Variants in RAB40B observed in about 807,000 individuals in gnomAD.
RAB40B encodes ras-related protein Rab-40B.
In RAB40B, 21 loss-of-function variants were observed where a neutral mutation model predicts 24.0. That is an observed-to-expected ratio of 0.88 (90% CI 0.62 to 1.26). The LOEUF is 1.26. RAB40B is among the 50% of genes most tolerant of loss of function. The probability of loss-of-function intolerance (pLI) is 0.00; values close to 1 mark genes in which losing one functional copy is unlikely to be tolerated. For missense variants in RAB40B, 348 were observed against 390.5 expected, an observed-to-expected ratio of 0.89 and a Z score of 0.92; for synonymous variants, 167 against 169.8, an observed-to-expected ratio of 0.98 and a Z score of 0.13.
intron 1 of RAB40B, among the ~76,000 whole-genome samples, chr17:82,669,135 C>A (rs869115718): frequency 6.6e-6 from 1 of 151,866 alleles, no homozygotes; most frequent in Non-Finnish European, 1.5e-5. Context: ...CCCAGGAATT[C>A]GAAACCAGCC....
chr17:82,698,499 C>A lies in RAB40B; in HGVS notation c.98G>T (p.Ser33Ile). The A allele has an allele frequency of 6.6e-7, 1 of 1,513,628 alleles. No homozygotes were observed. The highest frequency in any genetic ancestry group is 8.9e-7 in the Non-Finnish European group (1 of 1,124,802). 93.8% of individuals were successfully genotyped at this position (1,513,628 alleles called of 1,614,324 possible). The change falls in exon 1 of 6, where the codon AGC (serine) becomes ATC (isoleucine). Residue 33 changes from serine (S) to isoleucine (I), a missense_variant. Physicochemically the swap from Ser to Ile is moderately radical, Grantham distance 142. This residue lies in a region of RAB40B where 101 missense variants were observed against 85.5 expected (regional missense o/e 1.18). Transcript: ENST00000571995. ...SDVGKGEILA[S>I]LQDGAAESPY... ...GGACTCGGCCGCGCCATCCTGCAGGCTCGCCAGGATCTCGCCCTTGCCCAC... is the reference window on the plus strand; with the variant it reads ...GGACTCGGCCGCGCCATCCTGCAGGATCGCCAGGATCTCGCCCTTGCCCAC...
chr17:82,690,983 C>T (rs1482114167), intron 1 of RAB40B, among the ~76,000 whole-genome samples: 2 of 152,192 alleles, frequency 1.3e-5, no homozygotes, highest in African/African-American at 4.8e-5. Flanking sequence ...CTTTCCATAA[C>T]GGAGGCTCTG....
intron 1 of RAB40B, among the ~76,000 whole-genome samples, chr17:82,672,311 G>C (rs1316797260): frequency 1.6e-3 from 46 of 29,236 alleles, no homozygotes; most frequent in Admixed American, 2.9e-3. Context: ...TCCCTGTACT[G>C]ACACACCCCA....
At chr17:82,687,531 A>C (rs959509604) in intron 1 of RAB40B, among the ~76,000 whole-genome samples, 2 of 152,166 alleles carry the variant, frequency 1.3e-5, no homozygotes, top group African/African-American at 4.8e-5. Flanking sequence ...AGAAGTTGAG[A>C]TACGTAACCC....
At chr17:82,671,113 T>G (rs559258578) in intron 1 of RAB40B, among the ~76,000 whole-genome samples, 3 of 151,814 alleles carry the variant, frequency 2.0e-5, no homozygotes, top group African/African-American at 4.8e-5. Context: ...AAAATGTAGC[T>G]CTCGGTCACT....
At position 82,658,503 on chromosome 17, in the gene RAB40B, G is replaced by A. The variant is rs760122122; in HGVS notation, c.553C>T (p.Arg185Trp). ...CCCCTGGGCCTACCCTTGCTCGGCC[G>A]CCAGAGCCGGTCCATCCCATGCCGC... ...LLRHGMDRLW[R>W]PSKVLSLQDL... Residue 185 changes from arginine to tryptophan, a missense_variant, in exon 5 of 6, where the codon CGG becomes TGG. Around this residue, in one of 3 missense-constraint regions of RAB40B, gnomAD observed 126 missense variants for 181.0 expected, o/e 0.70. Coordinates refer to ENST00000571995, the MANE Select transcript of RAB40B (RefSeq NM_006822.3). The A allele has an allele frequency of 3.1e-6, 5 of 1,612,026 alleles. No homozygotes were observed. Among genetic ancestry groups the A allele is most frequent in the Non-Finnish European group, 4.2e-6 (5 of 1,179,830 alleles).
At chr17:82,673,737 G>A (rs559675604) in intron 1 of RAB40B, among the ~76,000 whole-genome samples, 10 of 152,260 alleles carry the variant, frequency 6.6e-5, no homozygotes, top group South Asian at 6.2e-4. Flanking sequence ...CACACCTTGT[G>A]GGCCTTGCTG....
In RAB40B at chr17:82,698,570, C is replaced by T. The variant is rs1472281470; in HGVS notation, c.27G>A (p.Arg9=). 6.6e-7 allele frequency: 1 copy of T among 1,509,072 alleles called. No homozygotes were observed. The highest frequency in any genetic ancestry group is 8.9e-7 in the Non-Finnish European group (1 of 1,121,370). 93.5% of individuals were successfully genotyped at this position (1,509,072 alleles called of 1,614,324 possible). A position where few individuals can be genotyped will look rare whatever the true frequency, so the allele number is the denominator to read the frequency against. Reference sequence around the variant, plus strand: ...GGAACTTGAGCAGAAAGTCGTAGGCCCGGACCGGGCTGCCCAGGGCGCTCA... The same window carrying T: ...GGAACTTGAGCAGAAAGTCGTAGGCTCGGACCGGGCTGCCCAGGGCGCTCA... The part of the protein sequence containing the change: MSALGSPV[R]AYDFLLKFLL... The change falls in exon 1 of 6, where the codon CGG becomes CGA. Residue 9 remains arginine (R), a synonymous_variant. Coordinates refer to ENST00000571995, the MANE Select transcript of RAB40B (RefSeq NM_006822.3).
intron 1 of RAB40B, among the ~76,000 whole-genome samples, chr17:82,685,290 G>A (rs2046487648): frequency 6.7e-6 from 1 of 150,114 alleles, no homozygotes; most frequent in Non-Finnish European, 1.5e-5. Context: ...GGGTGGGGAG[G>A]GAGGAGGAGG....
chr17:82,664,182 A>G (rs1212099021), intron 2 of RAB40B, among the ~76,000 whole-genome samples: 1 of 90,896 alleles, frequency 1.1e-5, no homozygotes, highest in Non-Finnish European at 2.0e-5. Context: ...CGCTGTGCCG[A>G]CGGTGGTGGG....
rs1411580517 is a variant in RAB40B at position 82,692,587 on chromosome 17, CGGGGTG to C, written c.142+5862_142+5867del. Among the ~76,000 whole-genome samples, 2 of 127,012 alleles carry C rather than the reference CGGGGTG, an allele frequency of 1.6e-5. No individual in the cohort carries two copies. Among genetic ancestry groups the C allele is most frequent in the Non-Finnish European group, 3.3e-5 (2 of 60,310 alleles). 83.3% of individuals were successfully genotyped at this position (127,012 alleles called of 152,430 possible). A position where few individuals can be genotyped will look rare whatever the true frequency, so the allele number is the denominator to read the frequency against. Reference sequence around the variant, plus strand: ...CTGGGACAACGGTGGCCGTGCGATGCGGGGTGGGGGTGGGGGGCATCCGACTGAAAA... The same window carrying C: ...CTGGGACAACGGTGGCCGTGCGATGCGGGGTGGGGGGCATCCGACTGAAAA... On this transcript the variant is annotated intron_variant, in intron 1 of 5. Transcript: ENST00000571995. This position sits in a 1 kb window ranked among gnomAD's most constrained non-coding sequence, Gnocchi z 4.0.
chr17:82,662,398 C>CA (rs1485602859), intron 2 of RAB40B: 2 of 985,354 alleles, frequency 2.0e-6, no homozygotes, highest in African/African-American at 3.5e-5. Flanking sequence ...CACGTGCTGT[C>CA]AGAGTGCCCC....
Position 82,658,059 on chromosome 17 carries a change from A to G in RAB40B, c.641T>C (p.Leu214Pro). 4 of 1,614,144 alleles carry G rather than the reference A, an allele frequency of 2.5e-6. No homozygotes were observed. Among genetic ancestry groups the G allele is most frequent in the Non-Finnish European group, 3.4e-6 (4 of 1,180,026 alleles). Residue 214 changes from leucine to proline, a missense_variant, in exon 6 of 6, where the codon CTC (leucine) becomes CCC (proline). By Grantham distance (98) the Leu-to-Pro change is moderately conservative (BLOSUM62 -3). Coordinates refer to ENST00000571995, the MANE Select transcript of RAB40B (RefSeq NM_006822.3). ...GAGGTGGCTTCTTAAGGCAATGGGG[A>G]GCGGGAGCTTGTCCACCAGGTGCAC... The part of the protein sequence containing the change: ...TPVHLVDKLP[L>P]PIALRSHLKS...
intron 1 of RAB40B, among the ~76,000 whole-genome samples, chr17:82,666,727 A>T (rs2046262511): frequency 6.6e-6 from 1 of 152,298 alleles, no homozygotes; most frequent in Middle Eastern, 3.4e-3. Context: ...AATGCCGGGT[A>T]GGAGCACTGC....
intron 2 of RAB40B, among the ~76,000 whole-genome samples, chr17:82,664,014 T>C (rs2143466086): frequency 9.1e-6 from 1 of 109,898 alleles, no homozygotes; most frequent in Admixed American, 9.6e-5. Context: ...CCGGGGGCGC[T>C]GTGCCAACGG....
At chr17:82,678,304 T>C (rs2247996) in intron 1 of RAB40B, among the ~76,000 whole-genome samples, 151,714 of 152,324 alleles carry the variant, frequency 1, 75,556 homozygotes, top group Middle Eastern at 1. Context: ...TAACTTACCA[T>C]GTACTCTGTC....
chr17:82,665,385 C>T (rs932696479), intron 1 of RAB40B, among the ~76,000 whole-genome samples: 6 of 151,994 alleles, frequency 3.9e-5, no homozygotes, highest in South Asian at 2.1e-4. Context: ...CCTGAGTAGC[C>T]GGGACTACGG....
In RAB40B at chr17:82,667,615, C is replaced by T. The variant is rs575253148; in HGVS notation, c.143-3059G>A. On this transcript the variant is annotated intron_variant, in intron 1 of 5. Coordinates refer to ENST00000571995, the MANE Select transcript of RAB40B (RefSeq NM_006822.3). The surrounding 1 kb of genome is among the most constrained non-coding windows in gnomAD (Gnocchi z 4.3). ...ATGGAGTCCAGGCTTCCCGCATCCT[C>T]CTCTGTCTCCTGCTAAACTCCACAC... Among the ~76,000 whole-genome samples the T allele has an allele frequency of 5.9e-5, 9 of 152,300 alleles. No homozygotes were observed. The East Asian group carries it at 1.7e-3, about 29-fold the overall frequency.
Position 82,697,714 on chromosome 17 carries a change from G to C in RAB40B, c.142+741C>G, listed in dbSNP as rs1265968898. 6.6e-6 allele frequency among the ~76,000 whole-genome samples: 1 copy of C among 152,012 alleles called. No individual in the cohort carries two copies. The highest frequency in any genetic ancestry group is 2.4e-5 in the African/African-American group (1 of 41,374). On this transcript the variant is annotated intron_variant, in intron 1 of 5. Coordinates refer to ENST00000571995, the MANE Select transcript of RAB40B (RefSeq NM_006822.3). This position sits in a 1 kb window ranked among gnomAD's most constrained non-coding sequence, Gnocchi z 4.9. ...CCCCCGCCTTTCTTTCCCCGGAGCC[G>C]TCCACCCCCTCGCCGGGCGCCGGCT...
Sources: allele counts gnomAD v4.1 joint callset (sites outside exome capture counted in the v4.1 genomes callset), GRCh38; gene constraint gnomAD v4.1.1; regional missense constraint gnomAD v4.1.1; non-coding constraint Gnocchi (gnomAD v3.1); transcripts MANE v1.5; gene names NCBI Gene and HGNC (gene_info 2026-07-23, HGNC 2026-07-21).